The following FAM163B variants were observed in gnomAD, a reference collection of about 807,000 sequenced individuals.
FAM163B encodes the protein protein FAM163B.
A neutral mutation model predicts 7.6 loss-of-function variants in FAM163B; 4 were observed. The ratio of observed to expected loss-of-function variants is 0.52; its 90% confidence interval spans 0.26 to 1.20. The LOEUF is 1.20. Ranked by LOEUF, FAM163B falls within the 50% of genes most tolerant of loss-of-function variation. The pLI, the probability that FAM163B is intolerant of heterozygous loss-of-function variation, is 0.14. For missense variants in FAM163B, 250 were observed against 243.0 expected (o/e 1.03, Z -0.19); for synonymous variants, 120 against 111.6 (o/e 1.07, Z -0.47).
rs1282280119 is a variant in FAM163B at position 133,600,170 on chromosome 9, CTG to C, written c.-24+8905_-24+8906del. On this transcript the variant is annotated intron_variant, in intron 1 of 2. Transcript: ENST00000673969. This position sits in a 1 kb window ranked among gnomAD's most constrained non-coding sequence, Gnocchi z 4.9. ...AATGTATGTGTGCATGAGTGTGAGT[CTG>C]TGTGCATGTGTATGTGGGAATGTGG... 1.4e-5 allele frequency among the ~76,000 whole-genome samples: 2 copies of C among 141,294 alleles called. No homozygotes were observed. Among genetic ancestry groups the C allele is most frequent in the African/African-American group, 5.4e-5 (2 of 37,140 alleles). 92.7% of individuals were successfully genotyped at this position (141,294 alleles called of 152,430 possible). A position where few individuals can be genotyped will look rare whatever the true frequency, so the allele number is the denominator to read the frequency against.
Position 133,592,025 on chromosome 9 carries a change from G to T in FAM163B, c.-23-11779C>A, listed in dbSNP as rs573284151. Among the ~76,000 whole-genome samples, 6 of 152,200 alleles carry T rather than the reference G, an allele frequency of 3.9e-5. No individual in the cohort carries two copies. The South Asian group carries it at 1.2e-3, about 32-fold the overall frequency. ...CCTGCGTGACCTCCCTAGTGCTCGC[G>T]GCCTGGCCCACCCTGCTTGTTTTCA... is the stretch of plus-strand genomic sequence containing the variant. On this transcript the variant is annotated intron_variant, in intron 1 of 2. Coordinates refer to ENST00000673969, the MANE Select transcript of FAM163B (RefSeq NM_001080515.3).
At position 133,584,048 on chromosome 9, in the gene FAM163B, TCC is replaced by T. The variant is rs33920107; in HGVS notation, c.-23-3804_-23-3803del. Among the ~76,000 whole-genome samples the T allele has an allele frequency of 1.3e-4, 19 of 149,060 alleles. No homozygotes were observed. In the East Asian group the frequency reaches 2.0e-3, roughly 16 times the overall value. On this transcript the variant is annotated intron_variant, in intron 1 of 2. Coordinates refer to ENST00000673969, the MANE Select transcript of FAM163B (RefSeq NM_001080515.3). ...TGTGCCCCACCCTCTGGGATGCCCA[TCC>T]CCCCCCCGGACCTACCACGCCATCA...
chr9:133,590,071 C>CCCTTCCCTT (rs1831518527), intron 1 of FAM163B, among the ~76,000 whole-genome samples: 1 of 17,274 alleles, frequency 5.8e-5, no homozygotes. Context: ...CCTTCCCCTT[C>CCCTTCCCTT]CCTTCCCCTT....
At chr9:133,590,093 C>CCCCTTCCCCTT (rs1405262879) in intron 1 of FAM163B, among the ~76,000 whole-genome samples, 744 of 23,444 alleles carry the variant, frequency 0.032, 112 homozygotes, top group Non-Finnish European at 0.05. Context: ...CCCTTCCCTT[C>CCCCTTCCCCTT]CCCTTCCCCT....
At position 133,606,538 on chromosome 9, in the gene FAM163B, G is replaced by A. The variant is rs112270518; in HGVS notation, c.-24+2539C>T. 0.068 allele frequency among the ~76,000 whole-genome samples: 10,342 copies of A among 152,270 alleles called. 483 individuals carry two copies. The highest frequency in any genetic ancestry group is 0.11 in the Non-Finnish European group (7,588 of 68,012). On this transcript the variant is annotated intron_variant, in intron 1 of 2. Coordinates refer to ENST00000673969, the MANE Select transcript of FAM163B (RefSeq NM_001080515.3). This position sits in a 1 kb window ranked among gnomAD's most constrained non-coding sequence, Gnocchi z 4.0. ...TTTTGGCCAGGCTCACGGTTGCCCC[G>A]GTGTCCCATGTGCCAGCAGGGAAGG...
rs767403214 is a variant in FAM163B at position 133,579,260 on chromosome 9, C to A, written c.263G>T (p.Arg88Leu). ...TSFSQKSPQA[R>L]ALCRSCSHCE... ...GTGGGAGCAGCTGCGGCAGAGGGCG[C>A]GGGCCTGCGGGGACTTCTGGCTGAA... is the stretch of plus-strand genomic sequence containing the variant. Residue 88 changes from arginine (R) to leucine (L), a missense_variant, in exon 3 of 3, where the codon CGC (arginine) becomes CTC (leucine). Physicochemically the swap from Arg to Leu is moderately radical, Grantham distance 102. Coordinates refer to ENST00000673969, the MANE Select transcript of FAM163B (RefSeq NM_001080515.3). 5.6e-6 allele frequency: 9 copies of A among 1,612,252 alleles called. No individual in the cohort carries two copies. The highest frequency in any genetic ancestry group is 1.7e-4 in the Middle Eastern group (1 of 6,010).
chr9:133,590,099 CCCCTT>C (rs1404819218), intron 1 of FAM163B, among the ~76,000 whole-genome samples: 769 of 35,664 alleles, frequency 0.022, 136 homozygotes, highest in Non-Finnish European at 0.032. Context: ...CCTTCCCCTT[CCCCTT>C]CCCTTCCCCT....
At chr9:133,596,049 G>C (rs895894068) in intron 1 of FAM163B, among the ~76,000 whole-genome samples, 4 of 152,124 alleles carry the variant, frequency 2.6e-5, no homozygotes, top group African/African-American at 9.7e-5. Context: ...AGGCAGGCAT[G>C]GTGGGGTGGG....
chr9:133,579,739 G>A (rs1021028937), intron 2 of FAM163B, among the ~76,000 whole-genome samples: 106 of 152,308 alleles, frequency 7.0e-4, no homozygotes, highest in South Asian at 4.1e-3. Context: ...CAGCAGAGCC[G>A]GGGGTCACAG....
At chr9:133,590,246 C>T (rs1831530771) in intron 1 of FAM163B, among the ~76,000 whole-genome samples, 1 of 149,040 alleles carries the variant, frequency 6.7e-6, no homozygotes, top group African/African-American at 2.5e-5. Context: ...CTCCTTCCTT[C>T]CTTCTCTCTC....
chr9:133,600,255 T>G lies in FAM163B; in HGVS notation c.-24+8822A>C, dbSNP rs1831702346. ...TGGTCTGTGTGCATGTGTGTGAGTG[T>G]GGTCTGTGTGTGTGTGTGTGTGTGT... On this transcript the variant is annotated intron_variant, in intron 1 of 2. Coordinates refer to ENST00000673969, the MANE Select transcript of FAM163B (RefSeq NM_001080515.3). The surrounding 1 kb of genome is among the most constrained non-coding windows in gnomAD (Gnocchi z 4.9). 9.7e-6 allele frequency among the ~76,000 whole-genome samples: 1 copy of G among 102,900 alleles called. No individual in the cohort carries two copies. The highest frequency in any genetic ancestry group is 1.9e-5 in the Non-Finnish European group (1 of 51,634). The allele number at this position is 102,900 out of a possible 152,430, so 67.5% of individuals were successfully genotyped here.
Position 133,577,483 on chromosome 9 carries a change from T to C in FAM163B, c.*1539A>G, listed in dbSNP as rs1831269770. Among the ~76,000 whole-genome samples the C allele has an allele frequency of 6.6e-6, 1 of 152,332 alleles. No individual in the cohort carries two copies. Among genetic ancestry groups the C allele is most frequent in the East Asian group, 1.9e-4 (1 of 5,178 alleles). Reference sequence around the variant, plus strand: ...ATAACGATTGTGACTTCGTCAGCCGTTCCCCCGACGCCTCTGGAAACTGGC... The same window carrying C: ...ATAACGATTGTGACTTCGTCAGCCGCTCCCCCGACGCCTCTGGAAACTGGC... On this transcript the variant is annotated 3_prime_UTR_variant, in exon 3 of 3. Coordinates refer to ENST00000673969, the MANE Select transcript of FAM163B (RefSeq NM_001080515.3).
rs1831306041 is a variant in FAM163B at position 133,579,140 on chromosome 9, T to A, written c.383A>T (p.Gln128Leu). The change falls in exon 3 of 3, where the codon CAG becomes CTG. Residue 128 changes from glutamine (Q) to leucine (L), a missense_variant. Coordinates refer to ENST00000673969, the MANE Select transcript of FAM163B (RefSeq NM_001080515.3). ...CCCCGGGGGCAGCTCCACGTCCTCC[T>A]GGCTCACGCTCTTGTAGAGCACGCG... ...GERVLYKSVS[Q>L]EDVELPPGGF... 5 of 1,609,638 alleles carry A rather than the reference T, an allele frequency of 3.1e-6. No homozygotes were observed. Among genetic ancestry groups the A allele is most frequent in the South Asian group, 1.1e-5 (1 of 90,992 alleles).
chr9:133,586,472 G>T (rs1485250553), intron 1 of FAM163B, among the ~76,000 whole-genome samples: 2 of 152,168 alleles, frequency 1.3e-5, no homozygotes, highest in Admixed American at 6.5e-5. Flanking sequence ...TCCTTGAGGG[G>T]CCCCCAGAAA....
In FAM163B at chr9:133,578,804, C is replaced by T; in HGVS notation, c.*218G>A. 1.2e-6 allele frequency: 1 copy of T among 841,306 alleles called. No homozygotes were observed. Among genetic ancestry groups the T allele is most frequent in the Non-Finnish European group, 1.7e-6 (1 of 591,022 alleles). The allele number at this position is 841,306 out of a possible 1,614,324, so 52.1% of individuals were successfully genotyped here. On this transcript the variant is annotated 3_prime_UTR_variant, in exon 3 of 3. Coordinates refer to ENST00000673969, the MANE Select transcript of FAM163B (RefSeq NM_001080515.3). ...GTCACCTGGTCCTTCTAGCCCCAGGCCCCAGCTGTGCCTCCCCCCAGGACA... is the reference window on the plus strand; with the variant it reads ...GTCACCTGGTCCTTCTAGCCCCAGGTCCCAGCTGTGCCTCCCCCCAGGACA...
At chr9:133,593,621 T>C (rs1831587843) in intron 1 of FAM163B, among the ~76,000 whole-genome samples, 1 of 152,238 alleles carries the variant, frequency 6.6e-6, no homozygotes, top group Admixed American at 6.5e-5. Flanking sequence ...AGGGCGACCA[T>C]GGCCTCAGTC....
chr9:133,584,797 C>T (rs1231869579), intron 1 of FAM163B, among the ~76,000 whole-genome samples: 2 of 152,186 alleles, frequency 1.3e-5, no homozygotes, highest in Non-Finnish European at 2.9e-5. Flanking sequence ...GCCTCGGAGG[C>T]AGAGCCATGC....
chr9:133,600,137 C>A lies in FAM163B; in HGVS notation c.-24+8940G>T, dbSNP rs577314376. ...GTCTATGTGTATGTGTGTCTGTGTGCGTGTGTGAATGTATGTGTGCATGAG... is the reference window on the plus strand; with the variant it reads ...GTCTATGTGTATGTGTGTCTGTGTGAGTGTGTGAATGTATGTGTGCATGAG... On this transcript the variant is annotated intron_variant, in intron 1 of 2. Coordinates refer to ENST00000673969, the MANE Select transcript of FAM163B (RefSeq NM_001080515.3). This position sits in a 1 kb window ranked among gnomAD's most constrained non-coding sequence, Gnocchi z 4.9. Among the ~76,000 whole-genome samples the A allele has an allele frequency of 1.4e-5, 2 of 143,098 alleles. No individual in the cohort carries two copies. Among genetic ancestry groups the A allele is most frequent in the Non-Finnish European group, 3.0e-5 (2 of 66,102 alleles). 93.9% of individuals were successfully genotyped at this position (143,098 alleles called of 152,430 possible).
At chr9:133,588,600 G>A (rs796891767) in intron 1 of FAM163B, among the ~76,000 whole-genome samples, 13 of 28,544 alleles carry the variant, frequency 4.6e-4, no homozygotes, top group South Asian at 8.5e-4. Flanking sequence ...GCATGTTGAG[G>A]GATCTAGGAT....
Sources: gnomAD v4.1 joint callset for allele counts (sites outside exome capture counted in the v4.1 genomes callset) on GRCh38, gnomAD v4.1.1 for gene constraint, Gnocchi (gnomAD v3.1) non-coding constraint, MANE v1.5 for transcripts, NCBI Gene and HGNC (gene_info 2026-07-23, HGNC 2026-07-21) for gene names.